The following SPA17 variants were observed in gnomAD, a reference collection of about 807,000 sequenced individuals.
SPA17 encodes the protein sperm autoantigenic protein 17.
Under a neutral mutation model 13.8 loss-of-function variants are expected in SPA17, and 7 were observed. The observed-to-expected ratio is 0.51, with a 90% confidence interval of 0.29 to 0.95. SPA17 has a LOEUF of 0.95. SPA17 is among the 40% of genes least tolerant of loss of function. The pLI is 0.08. For synonymous variants in SPA17, 61 were observed against 59.0 expected, an observed-to-expected ratio of 1.03 and a Z score of -0.16; for missense variants, 170 against 179.3, an observed-to-expected ratio of 0.95 and a Z score of 0.30.
At chr11:124,685,281 T>G (rs191255745) in intron 3 of SPA17, among the ~76,000 whole-genome samples, 161 of 152,388 alleles carry the variant, frequency 1.1e-3, no homozygotes, top group Middle Eastern at 6.8e-3. Context: ...AATGTACAGT[T>G]CAGGCCATTG....
At chr11:124,683,884 G>A (rs1943550924) in intron 3 of SPA17, among the ~76,000 whole-genome samples, 1 of 151,990 alleles carries the variant, frequency 6.6e-6, no homozygotes, top group South Asian at 2.1e-4. Flanking sequence ...ATAATAGTGA[G>A]GGGCTTCAAC....
At chr11:124,685,218 C>T (rs1943566772) in intron 3 of SPA17, among the ~76,000 whole-genome samples, 2 of 152,268 alleles carry the variant, frequency 1.3e-5, no homozygotes, top group South Asian at 4.1e-4. Context: ...AGCCTCGGGA[C>T]ATGGTGACCT....
chr11:124,689,512 C>T lies in SPA17; in HGVS notation c.226-2184C>T, dbSNP rs1411762994. Among the ~76,000 whole-genome samples the T allele has an allele frequency of 2.6e-5, 4 of 152,154 alleles. No homozygotes were observed. The East Asian group carries it at 5.8e-4, about 22-fold the overall frequency. ...ATTAAAAAGTGGGCAAAGGGCTGGG[C>T]GTGGTGGTTCATGCCTGTAATCCCA... On this transcript the variant is annotated intron_variant, in intron 3 of 4. Coordinates refer to ENST00000227135, the MANE Select transcript of SPA17 (RefSeq NM_017425.4).
chr11:124,693,558 T>C (rs763403030), intron 4 of SPA17, among the ~76,000 whole-genome samples: 4 of 152,086 alleles, frequency 2.6e-5, no homozygotes, highest in Non-Finnish European at 4.4e-5. Context: ...GATACTCAAC[T>C]CATAATAATG....
rs150719863 is a variant in SPA17 at position 124,690,760 on chromosome 11, A to G, written c.226-936A>G. 2.7e-3 allele frequency among the ~76,000 whole-genome samples: 417 copies of G among 152,364 alleles called. 1 individual carries two copies. Among genetic ancestry groups the G allele is most frequent in the African/African-American group, 9.8e-3 (407 of 41,578 alleles). On this transcript the variant is annotated intron_variant, in intron 3 of 4. Coordinates refer to ENST00000227135, the MANE Select transcript of SPA17 (RefSeq NM_017425.4). ...TGCTCTAGACAACTGAGGTAGTACTATTAGCCACAAAGCACAGCAGATATT... is the reference window on the plus strand; with the variant it reads ...TGCTCTAGACAACTGAGGTAGTACTGTTAGCCACAAAGCACAGCAGATATT...
At chr11:124,686,491 T>G (rs1591406378) in intron 3 of SPA17, among the ~76,000 whole-genome samples, 2 of 152,218 alleles carry the variant, frequency 1.3e-5, no homozygotes, top group East Asian at 3.8e-4. Context: ...GAATATATAT[T>G]CTTTTCATCA....
chr11:124,679,310 C>CAA (rs201973477), intron 2 of SPA17, among the ~76,000 whole-genome samples: 2 of 138,808 alleles, frequency 1.4e-5, no homozygotes, highest in East Asian at 4.1e-4. Context: ...AAATGAACTT[C>CAA]AAAAAAAAAA....
At chr11:124,682,548 T>TA (rs1005763673) in intron 3 of SPA17, among the ~76,000 whole-genome samples, 22 of 152,082 alleles carry the variant, frequency 1.4e-4, no homozygotes, top group Non-Finnish European at 2.9e-4. Context: ...TTTTTATTTT[T>TA]AAAAAAACCC....
intron 3 of SPA17, among the ~76,000 whole-genome samples, chr11:124,688,440 C>T (rs1476170027): frequency 6.6e-6 from 1 of 152,146 alleles, no homozygotes; most frequent in African/African-American, 2.4e-5. Context: ...TTTCTATACA[C>T]TAATAACAGT....
intron 2 of SPA17, among the ~76,000 whole-genome samples, chr11:124,677,526 T>C (rs1172779397): frequency 6.6e-6 from 1 of 152,100 alleles, no homozygotes; most frequent in Non-Finnish European, 1.5e-5. Flanking sequence ...AAAGAAACCA[T>C]ACAGATACTA....
chr11:124,682,608 A>T (rs1943539028), intron 3 of SPA17, among the ~76,000 whole-genome samples: 1 of 152,310 alleles, frequency 6.6e-6, no homozygotes, highest in African/African-American at 2.4e-5. Context: ...TATAAAATAC[A>T]TTCAAAAGAT....
chr11:124,682,201 C>T (rs951847021), intron 3 of SPA17, among the ~76,000 whole-genome samples: 14 of 152,108 alleles, frequency 9.2e-5, no homozygotes, highest in Non-Finnish European at 1.8e-4. Context: ...AAAAGAGCTT[C>T]TCAAAACATT....
intron 4 of SPA17, among the ~76,000 whole-genome samples, chr11:124,692,001 T>G (rs1943627087): frequency 6.6e-6 from 1 of 152,190 alleles, no homozygotes; most frequent in South Asian, 2.1e-4. Flanking sequence ...GAAATCTTAT[T>G]TTTCAAGATT....
At chr11:124,691,841 A>G (rs1943626085) in intron 4 of SPA17, 59 bp downstream of exon 4, 1 of 1,081,248 alleles carries the variant, frequency 9.2e-7, no homozygotes, top group South Asian at 1.6e-5. Flanking sequence ...TGCCCAATTT[A>G]AAACTGAACT....
chr11:124,683,718 A>G (rs1278098908), intron 3 of SPA17, among the ~76,000 whole-genome samples: 1 of 151,974 alleles, frequency 6.6e-6, no homozygotes, highest in African/African-American at 2.4e-5. Flanking sequence ...TAAAAACAGT[A>G]GAAAACAACA....
intron 3 of SPA17, among the ~76,000 whole-genome samples, chr11:124,689,907 T>C (rs1435278285): frequency 6.6e-6 from 1 of 152,034 alleles, no homozygotes; most frequent in Non-Finnish European, 1.5e-5. Context: ...AAAACTACAG[T>C]AAGATATTAT....
intron 3 of SPA17, 108 bp downstream of exon 3, chr11:124,681,567 AAATAACTTAT>A: frequency 3.8e-6 from 2 of 522,954 alleles, no homozygotes; most frequent in Non-Finnish European, 6.2e-6. Flanking sequence ...GAGGCATCAC[AAATAACTTAT>A]TAAATCTTAT....
chr11:124,686,438 G>A (rs998689207), intron 3 of SPA17, among the ~76,000 whole-genome samples: 1 of 152,124 alleles, frequency 6.6e-6, no homozygotes, highest in African/African-American at 2.4e-5. Context: ...TTAAACAAAT[G>A]GACCTAACAA....
Position 124,694,422 on chromosome 11 carries a change from T to C in SPA17, c.432T>C (p.Asn144=). The C allele has an allele frequency of 6.2e-7, 1 of 1,611,698 alleles. No homozygotes were observed. The highest frequency in any genetic ancestry group is 1.3e-5 in the African/African-American group (1 of 74,814). ...AKKMKTNSLQ[N]EEKEENK is the part of the protein sequence containing the mutation. ...AAATGAAAACAAATAGTCTTCAAAA[T>C]GAGGAAAAAGAGGAAAACAAGTGAG... The change falls in exon 5 of 5, where the codon AAT becomes AAC. Residue 144 remains asparagine, a synonymous_variant. Transcript: ENST00000227135.
Sources: gnomAD v4.1 joint callset for allele counts (sites outside exome capture counted in the v4.1 genomes callset) on GRCh38, gnomAD v4.1.1 for gene constraint, MANE v1.5 for transcripts, NCBI Gene and HGNC (gene_info 2026-07-23, HGNC 2026-07-21) for gene names.